Variants in FSCN1 observed in about 807,000 individuals in gnomAD.
FSCN1 encodes fascin.
Under a neutral mutation model 39.7 loss-of-function variants are expected in FSCN1, and 10 were observed. The ratio of observed to expected loss-of-function variants is 0.25; its 90% CI spans 0.16 to 0.43. The LOEUF (loss-of-function observed/expected upper bound fraction) is 0.43. Among genes scored for constraint, FSCN1 ranks in the 20% least tolerant of loss-of-function variants. The pLI, the probability that FSCN1 is intolerant of heterozygous loss-of-function variation, is 1.00. For missense variants in FSCN1, 525 were observed against 723.8 expected (o/e 0.73, Z 3.15); for synonymous variants, 322 against 320.0 (o/e 1.01, Z -0.07).
intron 1 of FSCN1, among the ~76,000 whole-genome samples, chr7:5,598,721 G>T (rs551048413): frequency 6.6e-6 from 1 of 152,306 alleles, no homozygotes; most frequent in East Asian, 1.9e-4. Flanking sequence ...TGCTGCTGGG[G>T]TGGACCTAGA....
At chr7:5,596,764 T>C (rs1273773147) in intron 1 of FSCN1, among the ~76,000 whole-genome samples, 7 of 152,084 alleles carry the variant, frequency 4.6e-5, no homozygotes, top group Non-Finnish European at 1.0e-4. Flanking sequence ...TTGCAGGATG[T>C]GTAAGAGTTC....
At chr7:5,594,240 C>T (rs1392506751) in intron 1 of FSCN1, among the ~76,000 whole-genome samples, 1 of 152,188 alleles carries the variant, frequency 6.6e-6, no homozygotes, top group Non-Finnish European at 1.5e-5. Flanking sequence ...GGCAGCCTTT[C>T]GCGGGCGAGA....
chr7:5,594,338 C>T (rs1263193697), intron 1 of FSCN1, among the ~76,000 whole-genome samples: 4 of 151,846 alleles, frequency 2.6e-5, no homozygotes, highest in African/African-American at 9.7e-5. Context: ...CTCCCGCTGC[C>T]GGGCGGGGTC....
rs1785669803 is a variant in FSCN1 at position 5,593,441 on chromosome 7, G to A, written c.505G>A (p.Val169Met). ...PADEIAVDRDVPWGVDSLITL... is the reference protein window; with the variant it reads ...PADEIAVDRDMPWGVDSLITL... The stretch of plus-strand genomic sequence containing the variant: ...CGACGAGATCGCCGTGGACCGCGAC[G>A]TGCCCTGGGGCGTCGACTCGCTCAT... The change falls in exon 1 of 5, where the codon GTG becomes ATG. Residue 169 changes from valine to methionine, a missense_variant. Physicochemically the swap from Val to Met is conservative, Grantham distance 21 (BLOSUM62 1). Around this residue, in one of 3 missense-constraint regions of FSCN1, gnomAD observed 246 missense variants for 350.6 expected, o/e 0.70. Coordinates refer to ENST00000382361, the MANE Select transcript of FSCN1 (RefSeq NM_003088.4). 6.2e-7 allele frequency: 1 copy of A among 1,611,952 alleles called. No homozygotes were observed. Among genetic ancestry groups the A allele is most frequent in the Non-Finnish European group, 8.5e-7 (1 of 1,179,714 alleles).
intron 1 of FSCN1, among the ~76,000 whole-genome samples, chr7:5,595,398 T>C (rs1176240952): frequency 6.6e-6 from 1 of 152,162 alleles, no homozygotes; most frequent in South Asian, 2.1e-4. Context: ...CCACAGCGCA[T>C]GGCGGGCAGA....
chr7:5,603,858 G>T lies in FSCN1; in HGVS notation c.1112-5G>T. 1 of 1,611,826 alleles carries T rather than the reference G, an allele frequency of 6.2e-7. No individual in the cohort carries two copies. Among genetic ancestry groups the T allele is most frequent in the Non-Finnish European group, 8.5e-7 (1 of 1,178,662 alleles). On this transcript the variant is annotated splice_region_variant and splice_polypyrimidine_tract_variant and intron_variant, in intron 3 of 4. Transcript: ENST00000382361. This position sits in a 1 kb window ranked among gnomAD's most constrained non-coding sequence, Gnocchi z 8.5. ...GGCTCACTGACTCCCCTCTTTCTGG[G>T]ACAGGGGACTCAGAGCTCTTCCTCA...
At position 5,592,900 on chromosome 7, in the gene FSCN1, C is replaced by T; in HGVS notation, c.-37C>T. The T allele has an allele frequency of 7.4e-7, 1 of 1,359,574 alleles. No homozygotes were observed. The highest frequency in any genetic ancestry group is 2.6e-5 in the East Asian group (1 of 38,460). 84.2% of individuals were successfully genotyped at this position (1,359,574 alleles called of 1,614,324 possible). On this transcript the variant is annotated 5_prime_UTR_variant, in exon 1 of 5. Transcript: ENST00000382361. This position sits in a 1 kb window ranked among gnomAD's most constrained non-coding sequence, Gnocchi z 5.3. ...CGCCGCAGGGACCCGCCACCCACCT[C>T]CCGGGGCCGCGCAGCGGCCTCTCGT...
At position 5,604,075 on chromosome 7, in the gene FSCN1, C is replaced by T. The variant is rs200462985; in HGVS notation, c.1279+45C>T. On this transcript the variant is annotated intron_variant, in intron 4 of 4. Transcript: ENST00000382361. ...GCTGCTGGGCAGGGAACCCCTCGGT[C>T]GGGGCTGGGGTCAGTGCTGCGGGGA... 1.5e-4 allele frequency: 234 copies of T among 1,587,172 alleles called. 2 individuals carry two copies. The African/African-American group carries it at 2.5e-3, about 17-fold the overall frequency.
chr7:5,597,747 TAAAAA>T (rs566357479), intron 1 of FSCN1, among the ~76,000 whole-genome samples: 1 of 133,940 alleles, frequency 7.5e-6, no homozygotes, highest in Non-Finnish European at 1.6e-5. Context: ...AGAAAAAAGT[TAAAAA>T]AAAAAAAAAG....
At chr7:5,593,951 C>T (rs756715234) in intron 1 of FSCN1, 183 bp downstream of exon 1, 4 of 566,296 alleles carry the variant, frequency 7.1e-6, no homozygotes, top group African/African-American at 2.0e-5. Flanking sequence ...GGGCTTTGCC[C>T]ATCCTCGGGT....
rs201924774 is a variant in FSCN1 at position 5,603,664 on chromosome 7, G to A, written c.1111+47G>A. The A allele has an allele frequency of 3.4e-5, 55 of 1,612,394 alleles. No homozygotes were observed. In the African/African-American group the frequency reaches 6.0e-4, roughly 18 times the overall value. On this transcript the variant is annotated intron_variant, in intron 3 of 4. Coordinates refer to ENST00000382361, the MANE Select transcript of FSCN1 (RefSeq NM_003088.4). The surrounding 1 kb of genome is among the most constrained non-coding windows in gnomAD (Gnocchi z 8.5). ...CCTGGAGCCGTCCTGGAGTCCTGGA[G>A]GGTCTGGCCATGCCGTGGTCACTTG...
Position 5,605,178 on chromosome 7 carries a change from T to C in FSCN1, c.1280-94T>C, listed in dbSNP as rs148890024. The C allele has an allele frequency of 1.8e-4, 163 of 894,428 alleles. 2 individuals carry two copies. The East Asian group carries it at 4.0e-3, about 22-fold the overall frequency. The allele number at this position is 894,428 out of a possible 1,614,324, so 55.4% of individuals were successfully genotyped here. On this transcript the variant is annotated intron_variant, in intron 4 of 4. Transcript: ENST00000382361. This position sits in a 1 kb window ranked among gnomAD's most constrained non-coding sequence, Gnocchi z 6.9. Reference sequence around the variant, plus strand: ...GGAGCCGGGACTGGAGGGTGGGGCGTCACCCTTGGGAACACCCGTGCCCAC... The same window carrying C: ...GGAGCCGGGACTGGAGGGTGGGGCGCCACCCTTGGGAACACCCGTGCCCAC...
chr7:5,605,510 C>A lies in FSCN1; in HGVS notation c.*36C>A. ...TCCTTCCCCGCCCCTGCCCACATGGCGGCTCCTGCCAACCCTCCCTGCTAA... is the reference window on the plus strand; with the variant it reads ...TCCTTCCCCGCCCCTGCCCACATGGAGGCTCCTGCCAACCCTCCCTGCTAA... On this transcript the variant is annotated 3_prime_UTR_variant, in exon 5 of 5. Transcript: ENST00000382361. This position sits in a 1 kb window ranked among gnomAD's most constrained non-coding sequence, Gnocchi z 6.9. 6.9e-7 allele frequency: 1 copy of A among 1,443,210 alleles called. No individual in the cohort carries two copies. Among genetic ancestry groups the A allele is most frequent in the Non-Finnish European group, 9.4e-7 (1 of 1,063,550 alleles). The allele number at this position is 1,443,210 out of a possible 1,614,324, so 89.4% of individuals were successfully genotyped here.
intron 1 of FSCN1, among the ~76,000 whole-genome samples, chr7:5,601,478 C>T (rs1785831232): frequency 6.6e-6 from 1 of 152,230 alleles, no homozygotes; most frequent in East Asian, 1.9e-4. Flanking sequence ...GCTGGGATTA[C>T]AGGCGTGAGC....
intron 1 of FSCN1, among the ~76,000 whole-genome samples, chr7:5,594,183 T>C (rs1257102432): frequency 1.3e-5 from 2 of 151,486 alleles, no homozygotes; most frequent in Admixed American, 6.6e-5. Flanking sequence ...AGCTCGGGGG[T>C]CCGAGGCAAG....
Position 5,593,788 on chromosome 7 carries a change from C to T in FSCN1, c.832+20C>T. 1 of 1,479,412 alleles carries T rather than the reference C, an allele frequency of 6.8e-7. No homozygotes were observed. Among genetic ancestry groups the T allele is most frequent in the South Asian group, 1.2e-5 (1 of 82,834 alleles). 91.6% of individuals were successfully genotyped at this position (1,479,412 alleles called of 1,614,324 possible). A position where few individuals can be genotyped will look rare whatever the true frequency, so the allele number is the denominator to read the frequency against. On this transcript the variant is annotated intron_variant, in intron 1 of 4. Transcript: ENST00000382361. ...GCCAGGGTGAGTGGGGACGCTGCCC[C>T]CGCCTCTCCTGGTCCGTGCACAAAG...
In FSCN1 at chr7:5,593,601, C is replaced by T. The variant is rs1785673063; in HGVS notation, c.665C>T (p.Ala222Val). ...YTLEFRSGKV[A>V]FRDCEGRYLA... ...CTGGAGTTCCGCTCCGGCAAGGTGG[C>T]CTTCCGCGACTGCGAGGGCCGTTAC... The change falls in exon 1 of 5, where the codon GCC becomes GTC. Residue 222 changes from alanine to valine, a missense_variant. Around this residue, in one of 3 missense-constraint regions of FSCN1, gnomAD observed 246 missense variants for 350.6 expected, o/e 0.70. Coordinates refer to ENST00000382361, the MANE Select transcript of FSCN1 (RefSeq NM_003088.4). 3.2e-6 allele frequency: 5 copies of T among 1,559,044 alleles called. No individual in the cohort carries two copies. Among genetic ancestry groups the T allele is most frequent in the East Asian group, 2.4e-5 (1 of 42,390 alleles).
Position 5,593,137 on chromosome 7 carries a change from C to T in FSCN1, c.201C>T (p.Gly67=). The change falls in exon 1 of 5, where the codon GGC becomes GGT. Residue 67 remains glycine (G), a synonymous_variant. Coordinates refer to ENST00000382361, the MANE Select transcript of FSCN1 (RefSeq NM_003088.4). ...CCGTGTGCCTGCGCAGCCACCTGGGCCGCTACCTGGCGGCGGACAAGGACG... is the reference window on the plus strand; with the variant it reads ...CCGTGTGCCTGCGCAGCCACCTGGGTCGCTACCTGGCGGCGGACAAGGACG... ...SAAVCLRSHL[G]RYLAADKDGN... is the part of the protein sequence containing the mutation. 1 of 1,603,556 alleles carries T rather than the reference C, an allele frequency of 6.2e-7. No homozygotes were observed. The highest frequency in any genetic ancestry group is 8.5e-7 in the Non-Finnish European group (1 of 1,176,270).
At chr7:5,598,051 G>A (rs2966443) in intron 1 of FSCN1, among the ~76,000 whole-genome samples, 1 of 152,224 alleles carries the variant, frequency 6.6e-6, no homozygotes, top group Middle Eastern at 3.2e-3. Flanking sequence ...CTGCTCTACT[G>A]GGGGGACGAC....
Sources: gnomAD v4.1 joint callset for allele counts (sites outside exome capture counted in the v4.1 genomes callset) on GRCh38, gnomAD v4.1.1 for gene constraint, gnomAD v4.1.1 regional missense constraint, Gnocchi (gnomAD v3.1) non-coding constraint, MANE v1.5 for transcripts, NCBI Gene and HGNC (gene_info 2026-07-23, HGNC 2026-07-21) for gene names.